Variants in STIL observed in about 807,000 individuals in gnomAD.
STIL encodes the protein STIL centriolar assembly protein.
STIL carries 55 observed loss-of-function variants against 110.1 expected under a neutral mutation model. The observed-to-expected ratio is 0.50, with a 90% CI of 0.40 to 0.63. The LOEUF is 0.63. Among genes scored for constraint, STIL ranks in the 20% least tolerant of loss-of-function variants. STIL has a pLI of 0.00. For synonymous variants in STIL, 481 were observed against 530.0 expected, an observed-to-expected ratio of 0.91 and a Z score of 1.27; for missense variants, 1,358 against 1,530.0, an observed-to-expected ratio of 0.89 and a Z score of 1.87.
At position 47,304,998 on chromosome 1, in the gene STIL, T is replaced by G; in HGVS notation, c.45-2A>C. ...GGTACCATCCTGCTTGAAGGAAACC[T>G]TTTGAAAAAACAATGTAAAATTAAA... On this transcript the variant is annotated splice_acceptor_variant, in intron 2 of 16. Coordinates refer to ENST00000371877, the MANE Select transcript of STIL (RefSeq NM_001048166.1). LOFTEE classifies it high-confidence loss of function. The G allele has an allele frequency of 6.2e-7, 1 of 1,611,872 alleles. No homozygotes were observed. The highest frequency in any genetic ancestry group is 8.5e-7 in the Non-Finnish European group (1 of 1,178,178).
chr1:47,285,020 C>CTTTTTTTTTTTT (rs35801422), intron 10 of STIL, among the ~76,000 whole-genome samples: 1 of 134,718 alleles, frequency 7.4e-6, no homozygotes, highest in African/African-American at 2.8e-5. Context: ...CATTTTTTGT[C>CTTTTTTTTTTTT]TTTTTTTTTT....
intron 9 of STIL, among the ~76,000 whole-genome samples, 156 bp from the exon 10 acceptor site, chr1:47,287,816 A>G (rs1004583378): frequency 7.2e-5 from 11 of 152,192 alleles, no homozygotes; most frequent in African/African-American, 2.2e-4. Flanking sequence ...TCCCTGCTAC[A>G]TAAGTGAAAA....
intron 1 of STIL, among the ~76,000 whole-genome samples, chr1:47,312,029 G>T (rs1199607142): frequency 1.3e-5 from 2 of 152,114 alleles, no homozygotes; most frequent in Non-Finnish European, 2.9e-5. Flanking sequence ...CTGGGCAAGA[G>T]AATGAGCCTC....
At position 47,280,882 on chromosome 1, in the gene STIL, A is replaced by C. The variant is rs973053655; in HGVS notation, c.1576T>G (p.Ser526Ala). The part of the protein sequence containing the change: ...PHTRNSIKPS[S>A]HNGPSHDIFE... ...ATATCATGAGATGGCCCATTATGAG[A>C]AGATGGTTTAATACTGTTCCTGGTA... Residue 526 changes from serine (S) to alanine (A), a missense_variant, in exon 12 of 17, where the codon TCT (serine) becomes GCT (alanine). Transcript: ENST00000371877. The C allele has an allele frequency of 1.9e-6, 3 of 1,614,060 alleles. No individual in the cohort carries two copies. The highest frequency in any genetic ancestry group is 2.7e-5 in the African/African-American group (2 of 74,910).
chr1:47,297,263 A>C (rs1365041167), intron 6 of STIL, among the ~76,000 whole-genome samples: 2 of 151,444 alleles, frequency 1.3e-5, no homozygotes, highest in Non-Finnish European at 2.9e-5. Flanking sequence ...AATCACTTGA[A>C]CCCAGGAGGT....
At chr1:47,255,511 T>C (rs1343371957) in intron 16 of STIL, among the ~76,000 whole-genome samples, 1 of 144,490 alleles carries the variant, frequency 6.9e-6, no homozygotes, top group African/African-American at 2.5e-5. Context: ...ATTGTGCCAC[T>C]GCACTGCAGC....
chr1:47,306,612 T>C (rs1645968342), intron 2 of STIL, among the ~76,000 whole-genome samples: 1 of 152,330 alleles, frequency 6.6e-6, no homozygotes, highest in East Asian at 1.9e-4. Context: ...CCAACAGTTA[T>C]GAAAAGCAAA....
In STIL at chr1:47,269,678, T is replaced by G; in HGVS notation, c.2572A>C (p.Ile858Leu). 6.2e-7 allele frequency: 1 copy of G among 1,614,212 alleles called. No homozygotes were observed. The highest frequency in any genetic ancestry group is 1.6e-4 in the Middle Eastern group (1 of 6,062). Residue 858 changes from isoleucine to leucine, a missense_variant, in exon 14 of 17, where the codon ATT becomes CTT. Physicochemically the swap from Ile to Leu is conservative, Grantham distance 5. Transcript: ENST00000371877. ...VDIPSFEESN[I>L]AVEEEFNQPL... ...TGGTTAAATTCTTCTTCCACAGCAATGTTGCTCTCTTCAAAACTGGGAATA... is the reference window on the plus strand; with the variant it reads ...TGGTTAAATTCTTCTTCCACAGCAAGGTTGCTCTCTTCAAAACTGGGAATA...
chr1:47,286,447 G>A (rs555091172), intron 10 of STIL, among the ~76,000 whole-genome samples: 6 of 151,914 alleles, frequency 3.9e-5, no homozygotes, highest in African/African-American at 1.2e-4. Flanking sequence ...GGTGGCTCAC[G>A]CCTGTAATCC....
chr1:47,275,002 A>G (rs914969888), intron 12 of STIL, among the ~76,000 whole-genome samples: 1 of 151,872 alleles, frequency 6.6e-6, no homozygotes, highest in Non-Finnish European at 1.5e-5. Context: ...AACCACAAAA[A>G]TTAGCCGGGC....
At chr1:47,263,535 C>T (rs927127617) in intron 14 of STIL, among the ~76,000 whole-genome samples, 2 of 152,102 alleles carry the variant, frequency 1.3e-5, no homozygotes, top group East Asian at 3.9e-4. Flanking sequence ...GAGCAAGACC[C>T]TATTTCTATA....
At chr1:47,313,769 G>A (rs1442283800) in intron 1 of STIL, among the ~76,000 whole-genome samples, 1 of 152,184 alleles carries the variant, frequency 6.6e-6, no homozygotes, top group East Asian at 1.9e-4. Flanking sequence ...AGCATTCAAG[G>A]TTTCAGTCCT....
chr1:47,267,288 T>C (rs1644681015), intron 14 of STIL, among the ~76,000 whole-genome samples: 1 of 152,232 alleles, frequency 6.6e-6, no homozygotes, highest in Non-Finnish European at 1.5e-5. Flanking sequence ...CTCATGTGGT[T>C]AAATTCCATA....
chr1:47,310,788 C>T (rs1310884051), intron 1 of STIL, among the ~76,000 whole-genome samples: 4 of 152,014 alleles, frequency 2.6e-5, no homozygotes, highest in Admixed American at 2.6e-4. Flanking sequence ...ATTAAAGAAT[C>T]TTCATTGGAA....
At chr1:47,310,432 A>ATT in intron 1 of STIL, 70 bp from the exon 2 acceptor site, 1 of 989,288 alleles carries the variant, frequency 1.0e-6, no homozygotes, top group Non-Finnish European at 1.5e-6. Flanking sequence ...TTAACCACAT[A>ATT]TTAAAATTAC....
At chr1:47,273,390 G>A (rs989599930) in intron 12 of STIL, among the ~76,000 whole-genome samples, 1 of 152,156 alleles carries the variant, frequency 6.6e-6, no homozygotes, top group African/African-American at 2.4e-5. Context: ...GCCCCTGACG[G>A]TCTAACATGA....
intron 14 of STIL, among the ~76,000 whole-genome samples, chr1:47,267,331 T>A (rs1361285144): frequency 1.3e-5 from 2 of 152,230 alleles, no homozygotes; most frequent in African/African-American, 4.8e-5. Flanking sequence ...TAGTATTTGA[T>A]ATTTAGTGTC....
In STIL at chr1:47,293,341, T is replaced by C. The variant is rs796835451; in HGVS notation, c.872+117A>G. 73 of 782,416 alleles carry C rather than the reference T, an allele frequency of 9.3e-5. No individual in the cohort carries two copies. The African/African-American group carries it at 1.1e-3, about 12-fold the overall frequency. 48.5% of individuals were successfully genotyped at this position (782,416 alleles called of 1,614,324 possible). ...AAGGTTTGTTTTTTCTTAATGTACG[T>C]GTTTATTTATAAGTATTGTAAAAGG... On this transcript the variant is annotated intron_variant, in intron 8 of 16. Coordinates refer to ENST00000371877, the MANE Select transcript of STIL (RefSeq NM_001048166.1).
At position 47,298,978 on chromosome 1, in the gene STIL, T is replaced by A. The variant is rs184100149; in HGVS notation, c.701+927A>T. Among the ~76,000 whole-genome samples, 35 of 152,114 alleles carry A rather than the reference T, an allele frequency of 2.3e-4. No homozygotes were observed. The East Asian group carries it at 6.6e-3, about 29-fold the overall frequency. On this transcript the variant is annotated intron_variant, in intron 6 of 16. Transcript: ENST00000371877. ...GTTGGTGAGGCTAGTCTTGAACTCC[T>A]GACCTCGTGATCCACCCGCCTCGGC...
Sources: gnomAD v4.1 joint callset for allele counts (sites outside exome capture counted in the v4.1 genomes callset) on GRCh38, gnomAD v4.1.1 for gene constraint, MANE v1.5 for transcripts, NCBI Gene and HGNC (gene_info 2026-07-23, HGNC 2026-07-21) for gene names.